The following LPO variants were observed in gnomAD, a reference collection of about 807,000 sequenced individuals.
LPO encodes salivary peroxidase.
Under a neutral mutation model 68.4 loss-of-function variants are expected in LPO, and 70 were observed. The ratio of observed to expected loss-of-function variants is 1.02; its 90% CI spans 0.84 to 1.25. The LOEUF is 1.25. Ranked by LOEUF, LPO falls within the 50% of genes most tolerant of loss-of-function variation. LPO has a pLI of 0.00. For synonymous variants in LPO, 360 were observed against 357.6 expected, an observed-to-expected ratio of 1.01 and a Z score of -0.08; for missense variants, 873 against 908.4, an observed-to-expected ratio of 0.96 and a Z score of 0.50.
Position 58,250,761 on chromosome 17 carries a change from G to A in LPO, c.780+140G>A, listed in dbSNP as rs1356942648. 5.1e-5 allele frequency: 41 copies of A among 798,884 alleles called. 1 individual carries two copies. Among genetic ancestry groups the A allele is most frequent in the South Asian group, 4.2e-4 (25 of 59,992 alleles). The allele number at this position is 798,884 out of a possible 1,614,324, so 49.5% of individuals were successfully genotyped here. The stretch of plus-strand genomic sequence containing the variant: ...TTTCCCATGCCTCACGTGTCCATTC[G>A]TTCACTCATCCGTTTATTCAGTAAA... On this transcript the variant is annotated intron_variant, in intron 7 of 12. Coordinates refer to ENST00000262290, the MANE Select transcript of LPO (RefSeq NM_006151.3).
rs1464292020 is a variant in LPO at position 58,252,191 on chromosome 17, A to T, written c.790A>T (p.Asn264Tyr). The change falls in exon 8 of 13, where the codon AAT (asparagine) becomes TAT (tyrosine). Residue 264 changes from asparagine (N) to tyrosine (Y), a missense_variant. Transcript: ENST00000262290. The stretch of plus-strand genomic sequence containing the variant: ...CCCACTCTCTCTGCAGTTCCCACCC[A>T]ATGACCCCAAGGCGGGGACTCAAGG... ...DNCFPIMFPP[N>Y]DPKAGTQGKC... 3 of 1,613,610 alleles carry T rather than the reference A, an allele frequency of 1.9e-6. No homozygotes were observed. In the African/African-American group the frequency reaches 4.0e-5, roughly 22 times the overall value.
intron 9 of LPO, among the ~76,000 whole-genome samples, chr17:58,259,784 A>G (rs1255585206): frequency 6.6e-6 from 1 of 152,136 alleles, no homozygotes. Flanking sequence ...GATTCTGTAC[A>G]TGTTTTGTTA....
Position 58,252,377 on chromosome 17 carries a change from C to G in LPO, c.976C>G (p.Pro326Ala). The change falls in exon 8 of 13, where the codon CCC becomes GCC. Residue 326 changes from proline to alanine, a missense_variant. Physicochemically the swap from Pro to Ala is conservative, Grantham distance 27. Coordinates refer to ENST00000262290, the MANE Select transcript of LPO (RefSeq NM_006151.3). ...CAGCCGCCTCCGCAACCTCAGCAGC[C>G]CCCTGGGCCTCATGGCTGTCAACCA... Reference protein sequence around the residue: ...LASRLRNLSSPLGLMAVNQEV... With the variant: ...LASRLRNLSSALGLMAVNQEV... The G allele has an allele frequency of 6.2e-7, 1 of 1,614,190 alleles. No homozygotes were observed. Among genetic ancestry groups the G allele is most frequent in the Non-Finnish European group, 8.5e-7 (1 of 1,180,044 alleles).
At chr17:58,247,765 C>A in intron 4 of LPO, 127 bp downstream of exon 4, 1 of 1,051,904 alleles carries the variant, frequency 9.5e-7, no homozygotes. Context: ...CTGTCTCTCC[C>A]TTCTTAGACC....
In LPO at chr17:58,247,392, T is replaced by C. The variant is rs560096092; in HGVS notation, c.165-86T>C. The C allele has an allele frequency of 1.6e-5, 21 of 1,284,606 alleles. No homozygotes were observed. In the African/African-American group the frequency reaches 2.9e-4, roughly 18 times the overall value. The allele number at this position is 1,284,606 out of a possible 1,614,324, so 79.6% of individuals were successfully genotyped here. A position where few individuals can be genotyped will look rare whatever the true frequency, so the allele number is the denominator to read the frequency against. ...GCAGCTGGGTTATGAGGCCATGTTGTACACACACCCCTCCCACCCCTCCAG... is the reference window on the plus strand; with the variant it reads ...GCAGCTGGGTTATGAGGCCATGTTGCACACACACCCCTCCCACCCCTCCAG... On this transcript the variant is annotated intron_variant, in intron 3 of 12. Transcript: ENST00000262290.
chr17:58,257,276 C>G (rs1414848356), intron 9 of LPO, among the ~76,000 whole-genome samples: 1 of 152,054 alleles, frequency 6.6e-6, no homozygotes, highest in Non-Finnish European at 1.5e-5. Flanking sequence ...TCCACCTCCG[C>G]CCCCCACAGC....
intron 1 of LPO, among the ~76,000 whole-genome samples, chr17:58,241,765 C>T (rs1335684400): frequency 6.6e-6 from 1 of 152,026 alleles, no homozygotes; most frequent in Non-Finnish European, 1.5e-5. Flanking sequence ...ATTAGGGGGA[C>T]CACGAAAGGG....
intron 8 of LPO, among the ~76,000 whole-genome samples, chr17:58,253,287 G>A (rs755250830): frequency 6.6e-6 from 1 of 151,960 alleles, no homozygotes; most frequent in Non-Finnish European, 1.5e-5. Flanking sequence ...TGGCTGCCTG[G>A]TATTTCATGA....
At chr17:58,243,143 C>A in intron 2 of LPO, 88 bp downstream of exon 2, 2 of 1,314,008 alleles carry the variant, frequency 1.5e-6, no homozygotes, top group South Asian at 1.2e-5. Context: ...TGTATTCTCT[C>A]ACAGTACGGG....
rs192356040 is a variant in LPO, at chr17:58,254,217, A to G, written c.1106-594A>G. On this transcript the variant is annotated intron_variant, in intron 8 of 12. Coordinates refer to ENST00000262290, the MANE Select transcript of LPO (RefSeq NM_006151.3). ...GACTCTCCTAAAGATTAGAGGGCAC[A>G]GGGAGAAGTCCTTTATCCCCTTATG... 1.6e-3 allele frequency among the ~76,000 whole-genome samples: 237 copies of G among 151,184 alleles called. 1 individual carries two copies. Among genetic ancestry groups the G allele is most frequent in the African/African-American group, 5.5e-3 (227 of 41,022 alleles).
chr17:58,241,598 A>C (rs1216107545), intron 1 of LPO, among the ~76,000 whole-genome samples: 1 of 152,096 alleles, frequency 6.6e-6, no homozygotes, highest in East Asian at 1.9e-4. Flanking sequence ...GGGCCATACA[A>C]CTATAAGGAC....
chr17:58,250,446 A>C lies in LPO; in HGVS notation c.605A>C (p.Tyr202Ser). The C allele has an allele frequency of 1.9e-6, 3 of 1,614,166 alleles. No homozygotes were observed. The highest frequency in any genetic ancestry group is 2.5e-6 in the Non-Finnish European group (3 of 1,180,016). ...GAGGTATCTAACAAGATTGTTGGCTATCTGAATGAGGAGGGTGTTCTGGAC... is the reference window on the plus strand; with the variant it reads ...GAGGTATCTAACAAGATTGTTGGCTCTCTGAATGAGGAGGGTGTTCTGGAC... ...AREVSNKIVG[Y>S]LNEEGVLDQN... The change falls in exon 7 of 13, where the codon TAT becomes TCT. Residue 202 changes from tyrosine (Y) to serine (S), a missense_variant. Transcript: ENST00000262290.
Position 58,254,793 on chromosome 17 carries a change from T to C in LPO, c.1106-18T>C. ...GGCTGTTAGGGAGAATCTACCTTCC[T>C]GCCTTCTGGGCTTTCAGGAGATTCT... On this transcript the variant is annotated intron_variant, in intron 8 of 12. Coordinates refer to ENST00000262290, the MANE Select transcript of LPO (RefSeq NM_006151.3). 2 of 1,613,428 alleles carry C rather than the reference T, an allele frequency of 1.2e-6. No individual in the cohort carries two copies. The highest frequency in any genetic ancestry group is 1.7e-6 in the Non-Finnish European group (2 of 1,179,612).
At chr17:58,251,956 G>C in intron 7 of LPO, 1 of 745,020 alleles carries the variant, frequency 1.3e-6, no homozygotes, top group Non-Finnish European at 2.5e-6. Context: ...TGTGAGGACT[G>C]AATGATTACC....
At position 58,254,709 on chromosome 17, in the gene LPO, G is replaced by T; in HGVS notation, c.1106-102G>T. On this transcript the variant is annotated intron_variant, in intron 8 of 12. Transcript: ENST00000262290. Reference sequence around the variant, plus strand: ...GTAGGGCTTGTTGACGGGGCGGGGGGGGCGGGGCGCGGTCCTGTGGGGCAC... The same window carrying T: ...GTAGGGCTTGTTGACGGGGCGGGGGTGGCGGGGCGCGGTCCTGTGGGGCAC... The T allele has an allele frequency of 2.6e-6, 3 of 1,142,950 alleles. No homozygotes were observed. In the East Asian group the frequency reaches 7.5e-5, roughly 28 times the overall value. The allele number at this position is 1,142,950 out of a possible 1,614,324, so 70.8% of individuals were successfully genotyped here.
chr17:58,267,317 G>A (rs780976332), intron 11 of LPO, 32 bp from the exon 12 acceptor site: 14 of 1,572,092 alleles, frequency 8.9e-6, no homozygotes, highest in South Asian at 1.1e-5. Context: ...GGAAGTCCCC[G>A]GGATGAGACA....
At chr17:58,248,581 C>T (rs1004833576) in intron 4 of LPO, among the ~76,000 whole-genome samples, 3 of 152,166 alleles carry the variant, frequency 2.0e-5, no homozygotes, top group Non-Finnish European at 4.4e-5. Context: ...CCTTGCCCCT[C>T]ACTGAAAAAT....
intron 8 of LPO, among the ~76,000 whole-genome samples, chr17:58,253,734 T>C (rs1970007682): frequency 6.6e-6 from 1 of 152,228 alleles, no homozygotes; most frequent in South Asian, 2.1e-4. Flanking sequence ...TTCACATATA[T>C]CCCACAGCAA....
At chr17:58,250,048 C>A (rs1342863451) in intron 6 of LPO, among the ~76,000 whole-genome samples, 1 of 152,148 alleles carries the variant, frequency 6.6e-6, no homozygotes, top group Non-Finnish European at 1.5e-5. Flanking sequence ...GCAGCCCCTA[C>A]CCAGAGCCCC....
Sources: allele counts gnomAD v4.1 joint callset (sites outside exome capture counted in the v4.1 genomes callset), GRCh38; gene constraint gnomAD v4.1.1; transcripts MANE v1.5; gene names NCBI Gene and HGNC (gene_info 2026-07-23, HGNC 2026-07-21).